CCDC141: variants seen among roughly 807,000 people sequenced by gnomAD.
CCDC141 encodes coiled-coil domain containing 141.
In CCDC141, 168 loss-of-function variants were observed where a neutral mutation model predicts 181.0. The observed-to-expected ratio is 0.93, with a 90% CI of 0.82 to 1.05. The LOEUF is 1.05. CCDC141 is among the 50% of genes least tolerant of loss of function. The pLI is 0.00. For missense variants in CCDC141, 1,902 were observed against 1,788.5 expected (o/e 1.06, Z -1.14); for synonymous variants, 666 against 642.3 (o/e 1.04, Z -0.56).
intron 8 of CCDC141, among the ~76,000 whole-genome samples, chr2:178,903,569 ACACAGGAAGGGGAACAT>A (rs1271084649): frequency 7.8e-6 from 1 of 128,618 alleles, no homozygotes; most frequent in African/African-American, 2.9e-5. Context: ...GAACACATGG[ACACAGGAAGGGGAACAT>A]CACACTCTGG....
chr2:179,039,516 GTTA>G (rs1467508412), intron 2 of CCDC141, among the ~76,000 whole-genome samples: 3 of 152,088 alleles, frequency 2.0e-5, no homozygotes, highest in African/African-American at 7.2e-5. Flanking sequence ...GAAGGTAACC[GTTA>G]TTATTATTCT....
At chr2:179,016,114 A>T (rs192330918) in intron 2 of CCDC141, among the ~76,000 whole-genome samples, 9 of 151,078 alleles carry the variant, frequency 6.0e-5, no homozygotes, top group African/African-American at 2.2e-4. Context: ...CAAAAGTTGT[A>T]TGTTCTCACT....
Position 178,927,402 on chromosome 2 carries a change from G to A in CCDC141, c.898-8495C>T, listed in dbSNP as rs368401164. ...TCTGCTTTGGGGTATCTGAGAAGCCGTCTTATTGGGTCTTAAATACGTGCA... is the reference window on the plus strand; with the variant it reads ...TCTGCTTTGGGGTATCTGAGAAGCCATCTTATTGGGTCTTAAATACGTGCA... On this transcript the variant is annotated intron_variant, in intron 6 of 23. Coordinates refer to ENST00000443758, the MANE Select transcript of CCDC141 (RefSeq NM_173648.4). Among the ~76,000 whole-genome samples, 26 of 152,216 alleles carry A rather than the reference G, an allele frequency of 1.7e-4. 1 individual carries two copies. Among genetic ancestry groups the A allele is most frequent in the African/African-American group, 6.3e-4 (26 of 41,538 alleles).
At chr2:178,828,425 T>C (rs1684156444), downstream of CCDC141, among the ~76,000 whole-genome samples, 1 of 152,190 alleles carries the variant, frequency 6.6e-6, no homozygotes, top group Non-Finnish European at 1.5e-5. Context: ...TTATGTTCTT[T>C]GGGTGGGGAA....
At chr2:178,948,000 GACC>G (rs1339465068) in intron 5 of CCDC141, among the ~76,000 whole-genome samples, 1 of 152,086 alleles carries the variant, frequency 6.6e-6, no homozygotes, top group Non-Finnish European at 1.5e-5. Flanking sequence ...AAGAGTTTGA[GACC>G]AGCCTGGGCA....
At position 178,892,295 on chromosome 2, in the gene CCDC141, G is replaced by A. The variant is rs111481755; in HGVS notation, c.1266-3627C>T. 8.5e-3 allele frequency among the ~76,000 whole-genome samples: 1,296 copies of A among 152,204 alleles called. 13 individuals carry two copies. The highest frequency in any genetic ancestry group is 0.024 in the African/African-American group (990 of 41,548). On this transcript the variant is annotated intron_variant, in intron 8 of 23. Coordinates refer to ENST00000443758, the MANE Select transcript of CCDC141 (RefSeq NM_173648.4). Reference sequence around the variant, plus strand: ...CTTGTCATTCTGTGCACCATTGCCCGTCCTGTGTGTACTCCACTCTCACAT... The same window carrying A: ...CTTGTCATTCTGTGCACCATTGCCCATCCTGTGTGTACTCCACTCTCACAT...
chr2:178,882,104 A>G (rs924345680), intron 11 of CCDC141, among the ~76,000 whole-genome samples: 8 of 151,942 alleles, frequency 5.3e-5, no homozygotes, highest in Non-Finnish European at 8.8e-5. Context: ...AGGTGTGGGA[A>G]CTCACACCTG....
At chr2:178,846,364 A>G (rs1201243687) in intron 21 of CCDC141, among the ~76,000 whole-genome samples, 1 of 152,198 alleles carries the variant, frequency 6.6e-6, no homozygotes, top group African/African-American at 2.4e-5. Context: ...AGACTTTGTA[A>G]AGGTGGAAAG....
chr2:178,924,624 A>T (rs1575224915), intron 6 of CCDC141, among the ~76,000 whole-genome samples: 2 of 152,136 alleles, frequency 1.3e-5, no homozygotes, highest in East Asian at 3.8e-4. Flanking sequence ...GGGCATTTCT[A>T]TGCTGACCTA....
At chr2:178,902,336 C>T (rs1244138745) in intron 8 of CCDC141, among the ~76,000 whole-genome samples, 28 of 152,264 alleles carry the variant, frequency 1.8e-4, no homozygotes, top group African/African-American at 4.3e-4. Flanking sequence ...GGAGGCATCA[C>T]GCTACCTAAC....
intron 2 of CCDC141, among the ~76,000 whole-genome samples, chr2:179,044,978 T>TA (rs2043441278): frequency 1.3e-5 from 2 of 151,802 alleles, no homozygotes; most frequent in South Asian, 4.2e-4. Context: ...TTTCTTTTTT[T>TA]TTCTTTCACT....
intron 8 of CCDC141, 61 bp from the exon 9 acceptor site, chr2:178,888,729 A>G (rs547412413): frequency 6.6e-7 from 1 of 1,525,760 alleles, no homozygotes; most frequent in Non-Finnish European, 8.9e-7. Flanking sequence ...AGAATATTTG[A>G]AAACAGATCT....
intron 2 of CCDC141, among the ~76,000 whole-genome samples, chr2:179,026,626 T>A (rs928111195): frequency 6.6e-6 from 1 of 152,150 alleles, no homozygotes; most frequent in Non-Finnish European, 1.5e-5. Flanking sequence ...CAGTGCCTAG[T>A]GGAGCTGTGA....
Position 179,034,810 on chromosome 2 carries a change from ATCT to A in CCDC141, c.225+12471_225+12473del, listed in dbSNP as rs758889148. 3.9e-5 allele frequency among the ~76,000 whole-genome samples: 6 copies of A among 152,240 alleles called. No homozygotes were observed. In the South Asian group the frequency reaches 1.0e-3, roughly 26 times the overall value. ...CATTTCTCAGGTAATTCTGATGTTG[ATCT>A]TCTTAAATGTTTACTGGAAATGTAT... On this transcript the variant is annotated intron_variant, in intron 2 of 23. Coordinates refer to ENST00000443758, the MANE Select transcript of CCDC141 (RefSeq NM_173648.4).
chr2:178,961,759 G>A (rs893068192), intron 4 of CCDC141, among the ~76,000 whole-genome samples: 3 of 152,188 alleles, frequency 2.0e-5, no homozygotes, highest in African/African-American at 4.8e-5. Flanking sequence ...GGAGTAGAAT[G>A]AGCGTGGGAT....
intron 2 of CCDC141, among the ~76,000 whole-genome samples, chr2:179,005,033 A>G (rs2042085286): frequency 6.6e-6 from 1 of 152,176 alleles, no homozygotes; most frequent in African/African-American, 2.4e-5. Flanking sequence ...CCCCCGGCCT[A>G]AAGACTAAAT....
At chr2:178,856,167 A>C in intron 18 of CCDC141, 90 bp downstream of exon 18, 1 of 1,176,058 alleles carries the variant, frequency 8.5e-7, no homozygotes, top group Non-Finnish European at 1.2e-6. Context: ...AGAGTTAGGT[A>C]TCTAGATTTG....
intron 2 of CCDC141, among the ~76,000 whole-genome samples, chr2:179,004,855 C>G (rs1035532781): frequency 6.6e-6 from 1 of 152,140 alleles, no homozygotes; most frequent in African/African-American, 2.4e-5. Flanking sequence ...CTCGGCCCCA[C>G]CTAGTAGCTG....
chr2:178,948,046 A>G (rs1160322669), intron 5 of CCDC141, among the ~76,000 whole-genome samples: 2 of 152,130 alleles, frequency 1.3e-5, no homozygotes, highest in Admixed American at 6.5e-5. Context: ...AAAAAATACA[A>G]AAAATTAGCG....
Sources: gnomAD v4.1 joint callset for allele counts (sites outside exome capture counted in the v4.1 genomes callset) on GRCh38, gnomAD v4.1.1 for gene constraint, MANE v1.5 for transcripts, NCBI Gene and HGNC (gene_info 2026-07-23, HGNC 2026-07-21) for gene names.